TXNRD1: variants seen among roughly 807,000 people sequenced by gnomAD.
The protein encoded by TXNRD1 is thioredoxin reductase 1, cytoplasmic.
In TXNRD1, 57 loss-of-function variants were observed where a neutral mutation model predicts 80.3. The ratio of observed to expected loss-of-function variants is 0.71; its 90% confidence interval spans 0.57 to 0.89. TXNRD1 has a LOEUF of 0.89. Among genes scored for constraint, TXNRD1 ranks in the 40% least tolerant of loss-of-function variants. TXNRD1 has a pLI of 0.00. For synonymous variants in TXNRD1, 291 were observed against 285.2 expected, an observed-to-expected ratio of 1.02 and a Z score of -0.20; for missense variants, 730 against 803.0, an observed-to-expected ratio of 0.91 and a Z score of 1.10.
chr12:104,234,638 GAAAAAAAA>G (rs33956129), intron 1 of TXNRD1, among the ~76,000 whole-genome samples: 3 of 125,926 alleles, frequency 2.4e-5, no homozygotes, highest in Non-Finnish European at 3.2e-5. Flanking sequence ...TAAAGTCAGG[GAAAAAAAA>G]AAAAAAAAAA....
chr12:104,329,698 G>A (rs557211071), intron 13 of TXNRD1, among the ~76,000 whole-genome samples: 1 of 151,978 alleles, frequency 6.6e-6, no homozygotes, highest in Non-Finnish European at 1.5e-5. Flanking sequence ...TTTTGTTTCT[G>A]TTGGACATAC....
intron 1 of TXNRD1, among the ~76,000 whole-genome samples, chr12:104,230,281 A>G (rs893734387): frequency 1.6e-4 from 25 of 151,724 alleles, no homozygotes; most frequent in Non-Finnish European, 1.3e-4. Context: ...GTTGGCCAGG[A>G]TGGTCTCGAA....
At chr12:104,219,563 A>G (rs975536710) in intron 1 of TXNRD1, among the ~76,000 whole-genome samples, 1 of 152,250 alleles carries the variant, frequency 6.6e-6, no homozygotes, top group Non-Finnish European at 1.5e-5. Flanking sequence ...ACACCACTTC[A>G]GGAGAATGGC....
At chr12:104,268,490 A>G (rs2033583695) in intron 3 of TXNRD1, among the ~76,000 whole-genome samples, 1 of 151,760 alleles carries the variant, frequency 6.6e-6, no homozygotes, top group East Asian at 2.0e-4. Context: ...GCGCCACTGC[A>G]CTCTAGCCTG....
intron 2 of TXNRD1, among the ~76,000 whole-genome samples, chr12:104,253,558 C>T (rs2033176727): frequency 6.6e-6 from 1 of 152,058 alleles, no homozygotes; most frequent in Non-Finnish European, 1.5e-5. Context: ...TAATTCTTGG[C>T]CTCTAGGGGC....
At chr12:104,311,049 A>G (rs915454534) in intron 4 of TXNRD1, among the ~76,000 whole-genome samples, 1 of 152,234 alleles carries the variant, frequency 6.6e-6, no homozygotes, top group Non-Finnish European at 1.5e-5. Context: ...ATGTAGAGGT[A>G]CTATACGAAC....
intron 16 of TXNRD1, among the ~76,000 whole-genome samples, chr12:104,343,983 G>C (rs904232796): frequency 6.6e-6 from 1 of 151,092 alleles, no homozygotes; most frequent in Non-Finnish European, 1.5e-5. Flanking sequence ...CATACCTGTA[G>C]TCCCAGCTAC....
At chr12:104,246,926 A>C (rs1158117265) in intron 1 of TXNRD1, among the ~76,000 whole-genome samples, 1 of 152,060 alleles carries the variant, frequency 6.6e-6, no homozygotes, top group Non-Finnish European at 1.5e-5. Context: ...ACAAGTAGGG[A>C]GACTATTTTA....
At position 104,215,963 on chromosome 12, in the gene TXNRD1, G is replaced by A. The variant is rs148507831; in HGVS notation, c.91+70G>A. 3.1e-4 allele frequency: 422 copies of A among 1,345,562 alleles called. 4 individuals carry two copies. In the East Asian group the frequency reaches 0.01, roughly 33 times the overall value. The allele number at this position is 1,345,562 out of a possible 1,614,324, so 83.4% of individuals were successfully genotyped here. A position where few individuals can be genotyped will look rare whatever the true frequency, so the allele number is the denominator to read the frequency against. ...AGCGGGCCTTCCGGCCGGGGTTGGG[G>A]ATAAAGTGCCCCGGAGCCCTGGCCT... is the stretch of plus-strand genomic sequence containing the variant. On this transcript the variant is annotated intron_variant, in intron 1 of 16. Transcript: ENST00000525566.
Position 104,346,273 on chromosome 12 carries a change from A to G in TXNRD1, c.1882-2080A>G, listed in dbSNP as rs976800190. 5.3e-5 allele frequency: 10 copies of G among 187,582 alleles called. No homozygotes were observed. In the East Asian group the frequency reaches 1.4e-3, roughly 26 times the overall value. The allele number at this position is 187,582 out of a possible 1,614,324, so 11.6% of individuals were successfully genotyped here. A position where few individuals can be genotyped will look rare whatever the true frequency, so the allele number is the denominator to read the frequency against. On this transcript the variant is annotated intron_variant, in intron 16 of 16. Transcript: ENST00000525566. ...AGCAATCCTCCCGCCTTGGCTTCCC[A>G]AAGTGCTGGGATTGCAGGCGTGAGC...
At chr12:104,278,022 G>A (rs11111973) in intron 3 of TXNRD1, among the ~76,000 whole-genome samples, 34,351 of 150,750 alleles carry the variant, frequency 0.23, 4,184 homozygotes, top group Middle Eastern at 0.38. Flanking sequence ...GACTACAGGC[G>A]CCTACAACCA....
chr12:104,252,658 T>TATATATATATATATATATATATATA (rs1491493630), intron 2 of TXNRD1, among the ~76,000 whole-genome samples: 8 of 10,358 alleles, frequency 7.7e-4, no homozygotes, highest in Admixed American at 1.1e-3. Context: ...TAATTTATTA[T>TATATATATATATATATATATATATA]TTTTTATATA....
intron 1 of TXNRD1, among the ~76,000 whole-genome samples, chr12:104,227,766 T>C (rs934366010): frequency 3.3e-5 from 5 of 152,218 alleles, no homozygotes; most frequent in Admixed American, 3.3e-4. Context: ...AGGAATGCGA[T>C]ATAAATGGAA....
intron 3 of TXNRD1, among the ~76,000 whole-genome samples, chr12:104,269,190 C>A (rs2033600968): frequency 6.6e-6 from 1 of 152,090 alleles, no homozygotes; most frequent in Admixed American, 6.5e-5. Context: ...TAGGCGTGAA[C>A]CACTGTGCCC....
chr12:104,346,041 G>A, intron 16 of TXNRD1: 1 of 1,265,760 alleles, frequency 7.9e-7, no homozygotes, highest in Non-Finnish European at 1.0e-6. Context: ...ATTTGAGATA[G>A]GGTTCCTGTC....
chr12:104,219,746 G>T (rs1472224719), intron 1 of TXNRD1, among the ~76,000 whole-genome samples: 9 of 151,758 alleles, frequency 5.9e-5, no homozygotes, highest in Admixed American at 5.9e-4. Flanking sequence ...CTACAAATCA[G>T]TAAATGTGTT....
chr12:104,265,251 A>G, intron 3 of TXNRD1: 3 of 407,464 alleles, frequency 7.4e-6, no homozygotes, highest in Non-Finnish European at 1.1e-5. Context: ...ACTCCGTCTT[A>G]AAAAAAAAAA....
chr12:104,221,692 T>C (rs1187270414), intron 1 of TXNRD1, among the ~76,000 whole-genome samples: 1 of 152,162 alleles, frequency 6.6e-6, no homozygotes, highest in Non-Finnish European at 1.5e-5. Context: ...TTGACAAATA[T>C]AGAAAAGTTA....
chr12:104,236,787 CAAAAA>C (rs35066909), intron 1 of TXNRD1, among the ~76,000 whole-genome samples: 2 of 112,874 alleles, frequency 1.8e-5, no homozygotes, highest in African/African-American at 3.4e-5. Context: ...AAAACTGTCT[CAAAAA>C]AAAAAAAAAA....
Sources: allele counts gnomAD v4.1 joint callset (sites outside exome capture counted in the v4.1 genomes callset), GRCh38; gene constraint gnomAD v4.1.1; transcripts MANE v1.5; gene names NCBI Gene and HGNC (gene_info 2026-07-23, HGNC 2026-07-21).